MEGF11: variants seen among roughly 807,000 people sequenced by gnomAD.
The protein encoded by MEGF11 is multiple EGF like domains 11.
A neutral mutation model predicts 146.6 loss-of-function variants in MEGF11; 126 were observed. The ratio of observed to expected loss-of-function variants is 0.86; its 90% CI spans 0.74 to 1.00. The LOEUF is 1.00. MEGF11 is among the 50% of genes least tolerant of loss of function. MEGF11 has a pLI of 0.00. For synonymous variants in MEGF11, 532 were observed against 583.4 expected, an observed-to-expected ratio of 0.91 and a Z score of 1.27; for missense variants, 1,509 against 1,521.2, an observed-to-expected ratio of 0.99 and a Z score of 0.13.
rs190587275 is a variant in MEGF11, at chr15:66,008,390, C to G, written c.395-25902G>C. Reference sequence around the variant, plus strand: ...AAGTACTAAGTCATTCACGATGAAACACACATGCACACGCGCGCGCGCACA... The same window carrying G: ...AAGTACTAAGTCATTCACGATGAAAGACACATGCACACGCGCGCGCGCACA... On this transcript the variant is annotated intron_variant, in intron 5 of 25. Transcript: ENST00000395614. Among the ~76,000 whole-genome samples the G allele has an allele frequency of 2.1e-3, 261 of 124,098 alleles. 1 individual carries two copies. Among genetic ancestry groups the G allele is most frequent in the African/African-American group, 7.2e-3 (245 of 34,068 alleles). The allele number at this position is 124,098 out of a possible 152,430, so 81.4% of individuals were successfully genotyped here. A position where few individuals can be genotyped will look rare whatever the true frequency, so the allele number is the denominator to read the frequency against.
chr15:65,965,439 G>A (rs1302090890), intron 8 of MEGF11: 1 of 290,148 alleles, frequency 3.4e-6, no homozygotes, highest in African/African-American at 2.2e-5. Flanking sequence ...TGGTTTAAAT[G>A]TTTCTCTCAA....
At chr15:65,960,830 C>CTCTT (rs2080832451) in intron 9 of MEGF11, among the ~76,000 whole-genome samples, 1 of 152,194 alleles carries the variant, frequency 6.6e-6, no homozygotes, top group Admixed American at 6.5e-5. Context: ...GACCTAAGTA[C>CTCTT]TCTTTGCATT....
Position 65,915,460 on chromosome 15 carries a change from T to G in MEGF11, c.2473+10A>C. 8.1e-6 allele frequency: 13 copies of G among 1,613,308 alleles called. No homozygotes were observed. Among genetic ancestry groups the G allele is most frequent in the Non-Finnish European group, 1.1e-5 (13 of 1,179,532 alleles). ...CCACAGACCCCGGGGCTCTGCCACG[T>G]GTGTATTACCTTGGTCACACCTGAT... On this transcript the variant is annotated intron_variant, in intron 19 of 25. Coordinates refer to ENST00000395614, the MANE Select transcript of MEGF11 (RefSeq NM_001385028.1).
chr15:66,228,285 C>T (rs893333012), intron 1 of MEGF11, among the ~76,000 whole-genome samples: 8 of 152,190 alleles, frequency 5.3e-5, no homozygotes, highest in African/African-American at 1.7e-4. Flanking sequence ...AATAAAGTGA[C>T]GGAGCCCTGC....
chr15:66,073,747 T>C (rs1193188751), intron 5 of MEGF11, among the ~76,000 whole-genome samples: 2 of 152,202 alleles, frequency 1.3e-5, no homozygotes, highest in African/African-American at 4.8e-5. Flanking sequence ...CTCCAAATTT[T>C]CACTGGTAAT....
intron 5 of MEGF11, among the ~76,000 whole-genome samples, chr15:66,079,710 A>G (rs1051537287): frequency 2.6e-5 from 4 of 152,156 alleles, no homozygotes; most frequent in African/African-American, 9.7e-5. Flanking sequence ...TTTGCCATAC[A>G]GGGTCATTCT....
intron 5 of MEGF11, among the ~76,000 whole-genome samples, chr15:66,084,202 G>T (rs1361339384): frequency 1.3e-5 from 2 of 152,152 alleles, no homozygotes; most frequent in Non-Finnish European, 2.9e-5. Flanking sequence ...ATTATGTGGT[G>T]CATGACGGTA....
At chr15:66,114,124 G>A (rs2087596064) in intron 4 of MEGF11, among the ~76,000 whole-genome samples, 1 of 152,178 alleles carries the variant, frequency 6.6e-6, no homozygotes, top group Non-Finnish European at 1.5e-5. Flanking sequence ...GTCTCATATT[G>A]TTATTAAGTG....
intron 5 of MEGF11, among the ~76,000 whole-genome samples, chr15:65,991,126 A>G (rs188207898): frequency 2.0e-5 from 3 of 152,278 alleles, no homozygotes; most frequent in East Asian, 3.9e-4. Flanking sequence ...CACACCGTCT[A>G]TACCTCCCTT....
chr15:65,942,386 A>G (rs2080026603), intron 10 of MEGF11, among the ~76,000 whole-genome samples: 1 of 152,218 alleles, frequency 6.6e-6, no homozygotes, highest in Non-Finnish European at 1.5e-5. Flanking sequence ...TTTGTATCTT[A>G]TGTTGTTAGG....
rs2078957505 is a variant in MEGF11, at chr15:65,915,345, C to T, written c.2473+125G>A. The T allele has an allele frequency of 2.3e-6, 3 of 1,313,532 alleles. No homozygotes were observed. The African/African-American group carries it at 4.4e-5, about 19-fold the overall frequency. 81.4% of individuals were successfully genotyped at this position (1,313,532 alleles called of 1,614,324 possible). Reference sequence around the variant, plus strand: ...GGAGCCTCTGCAGCCCACCCTATTCCTGCTGTCCTCACAAATGTGAATAAA... The same window carrying T: ...GGAGCCTCTGCAGCCCACCCTATTCTTGCTGTCCTCACAAATGTGAATAAA... On this transcript the variant is annotated intron_variant, in intron 19 of 25. Coordinates refer to ENST00000395614, the MANE Select transcript of MEGF11 (RefSeq NM_001385028.1).
chr15:66,130,348 GC>G (rs1193829972), intron 1 of MEGF11, among the ~76,000 whole-genome samples: 2 of 152,148 alleles, frequency 1.3e-5, no homozygotes, highest in African/African-American at 4.8e-5. Flanking sequence ...TGTAGGGGAT[GC>G]CTTGCCTTGT....
intron 1 of MEGF11, among the ~76,000 whole-genome samples, chr15:66,202,371 C>T (rs2091184998): frequency 6.6e-6 from 1 of 152,098 alleles, no homozygotes; most frequent in Non-Finnish European, 1.5e-5. Flanking sequence ...AGCAATCACA[C>T]CCGTGGTGAG....
chr15:65,991,124 C>G (rs1177841350), intron 5 of MEGF11, among the ~76,000 whole-genome samples: 1 of 152,210 alleles, frequency 6.6e-6, no homozygotes, highest in Non-Finnish European at 1.5e-5. Flanking sequence ...ACCACACCGT[C>G]TATACCTCCC....
At chr15:66,014,967 A>G (rs1206383842) in intron 5 of MEGF11, among the ~76,000 whole-genome samples, 1 of 412 alleles carries the variant, frequency 2.4e-3, no homozygotes, top group Non-Finnish European at 0.5. Flanking sequence ...GCTCTAGAGG[A>G]AAAAAAAAAA....
chr15:65,941,476 G>A (rs796897558), intron 10 of MEGF11, among the ~76,000 whole-genome samples: 16 of 152,110 alleles, frequency 1.1e-4, no homozygotes, highest in African/African-American at 3.1e-4. Context: ...CCCAAGAGGC[G>A]GTCCATGTGG....
At chr15:66,135,255 A>T (rs905406467) in intron 1 of MEGF11, among the ~76,000 whole-genome samples, 5 of 152,244 alleles carry the variant, frequency 3.3e-5, no homozygotes, top group African/African-American at 1.2e-4. Flanking sequence ...AAGAAAAAAA[A>T]AGACAATGAC....
At chr15:65,913,709 G>A (rs375659878) in intron 20 of MEGF11, 28 bp downstream of exon 20, 24 of 1,570,906 alleles carry the variant, frequency 1.5e-5, no homozygotes, top group African/African-American at 2.7e-5. Context: ...GAGGGGAAGA[G>A]GAGGGAGGCC....
In MEGF11 at chr15:66,231,497, C is replaced by T. The variant is rs923351039; in HGVS notation, c.-9+22108G>A. Among the ~76,000 whole-genome samples, 79 of 152,052 alleles carry T rather than the reference C, an allele frequency of 5.2e-4. 1 individual carries two copies. Among genetic ancestry groups the T allele is most frequent in the Non-Finnish European group, 1.0e-3 (71 of 68,016 alleles). Reference sequence around the variant, plus strand: ...GCTCCCAAATTACATCAGGGCTCCACAGAGTTTCATTCTGAAGAAGGGAGA... The same window carrying T: ...GCTCCCAAATTACATCAGGGCTCCATAGAGTTTCATTCTGAAGAAGGGAGA... On this transcript the variant is annotated intron_variant, in intron 1 of 25. Transcript: ENST00000395614.
Sources: allele counts gnomAD v4.1 joint callset (sites outside exome capture counted in the v4.1 genomes callset), GRCh38; gene constraint gnomAD v4.1.1; transcripts MANE v1.5; gene names NCBI Gene and HGNC (gene_info 2026-07-23, HGNC 2026-07-21).